POU5F1: variants seen among roughly 807,000 people sequenced by gnomAD.
The protein encoded by POU5F1 is POU domain, class 5, transcription factor 1.
Under a neutral mutation model 38.3 loss-of-function variants are expected in POU5F1, and 6 were observed. The ratio of observed to expected loss-of-function variants is 0.16; its 90% CI spans 0.09 to 0.31. The LOEUF (loss-of-function observed/expected upper bound fraction) is 0.31, where lower values mean the gene tolerates loss of function less well. Ranked by LOEUF, POU5F1 falls within the 10% of genes least tolerant of loss-of-function variation. POU5F1 has a pLI of 1.00. For missense variants in POU5F1, 286 were observed against 462.6 expected, an observed-to-expected ratio of 0.62 and a Z score of 3.50; for synonymous variants, 147 against 194.9, an observed-to-expected ratio of 0.75 and a Z score of 2.05.
intron 4 of POU5F1, 53 bp from the exon 5 acceptor site, chr6:31,164,920 G>C (rs1777099512): frequency 3.2e-6 from 5 of 1,582,646 alleles, no homozygotes; most frequent in Admixed American, 3.6e-5. Context: ...GCTGAGACGG[G>C]CCTGACTCTG....
intron 1 of POU5F1, among the ~76,000 whole-genome samples, chr6:31,167,953 T>TA (rs1554135981): frequency 6.6e-6 from 1 of 150,774 alleles, no homozygotes; most frequent in Non-Finnish European, 1.5e-5. Flanking sequence ...ACCCTTTTTC[T>TA]CCCCACCAAG....
Position 31,165,461 on chromosome 6 carries a change from C to A in POU5F1, c.657+110G>T. 1 of 1,589,462 alleles carries A rather than the reference C, an allele frequency of 6.3e-7. No homozygotes were observed. Among genetic ancestry groups the A allele is most frequent in the Non-Finnish European group, 8.6e-7 (1 of 1,167,208 alleles). ...GCAGAACTGAGGAATTTCACTCCATCCCACTGAGAACCACTGCACCAAAGA... is the reference window on the plus strand; with the variant it reads ...GCAGAACTGAGGAATTTCACTCCATACCACTGAGAACCACTGCACCAAAGA... On this transcript the variant is annotated intron_variant, in intron 3 of 4. Transcript: ENST00000259915. This position sits in a 1 kb window ranked among gnomAD's most constrained non-coding sequence, Gnocchi z 6.5.
intron 1 of POU5F1, 53 bp from the exon 2 acceptor site, chr6:31,166,100 A>G: frequency 5.0e-6 from 8 of 1,614,140 alleles, no homozygotes; most frequent in East Asian, 2.2e-5. Context: ...CCAGTTATCA[A>G]TCTCCCCTTT....
chr6:31,165,304 G>C lies in POU5F1; in HGVS notation c.658-18C>G, dbSNP rs748238262. 5.0e-6 allele frequency: 8 copies of C among 1,606,150 alleles called. No individual in the cohort carries two copies. Among genetic ancestry groups the C allele is most frequent in the Non-Finnish European group, 6.8e-6 (8 of 1,176,184 alleles). The stretch of plus-strand genomic sequence containing the variant: ...TTGCATATCTGTGCAGGTGGGAAGG[G>C]GGTGACAAGGGCAAGCTTTGGACTT... On this transcript the variant is annotated intron_variant, in intron 3 of 4. Transcript: ENST00000259915. The surrounding 1 kb of genome is among the most constrained non-coding windows in gnomAD (Gnocchi z 6.5).
intron 1 of POU5F1, 178 bp from the exon 2 acceptor site, chr6:31,166,225 A>C: frequency 6.4e-7 from 1 of 1,552,242 alleles, no homozygotes; most frequent in Non-Finnish European, 8.7e-7. Flanking sequence ...AATGTCATTC[A>C]CCCATTCCCT....
At position 31,164,568 on chromosome 6, in the gene POU5F1, C is replaced by A; in HGVS notation, c.*33G>T. The A allele has an allele frequency of 6.3e-7, 1 of 1,584,650 alleles. No homozygotes were observed. Among genetic ancestry groups the A allele is most frequent in the Non-Finnish European group, 8.6e-7 (1 of 1,165,206 alleles). On this transcript the variant is annotated 3_prime_UTR_variant, in exon 5 of 5. Coordinates refer to ENST00000259915, the MANE Select transcript of POU5F1 (RefSeq NM_002701.6). ...TTTTCTTTCCCTAGCTCCTCCCCTC[C>A]CCCTGTCCCCCATTCCTAGAAGGGC...
chr6:31,170,321 T>A lies in POU5F1; in HGVS notation c.300A>T (p.Gly100=), dbSNP rs755508064. Residue 100 remains glycine (G), a synonymous_variant, in exon 1 of 5, where the codon GGA becomes GGT. Transcript: ENST00000259915. ...LETSQPEGEA[G]VGVESNSDGA... ...CATCGGAGTTGCTCTCCACCCCGAC[T>A]CCTGCTTCGCCCTCAGGCTGAGAGG... 2.5e-6 allele frequency: 4 copies of A among 1,612,752 alleles called. No homozygotes were observed. In the South Asian group the frequency reaches 4.4e-5, roughly 18 times the overall value.
Position 31,170,502 on chromosome 6 carries a change from C to G in POU5F1, c.119G>C (p.Gly40Ala). 6.3e-7 allele frequency: 1 copy of G among 1,595,842 alleles called. No individual in the cohort carries two copies. ...CCCGATTCCTGGCCCTCCAGGAGGG[C>G]CTTGGAAGCTTAGCCAGGTCCGAGG... ...VDPRTWLSFQ[G>A]PPGGPGIGPG... Residue 40 changes from glycine (G) to alanine (A), a missense_variant, in exon 1 of 5, where the codon GGC becomes GCC. Physicochemically the swap from Gly to Ala is moderately conservative, Grantham distance 60. Coordinates refer to ENST00000259915, the MANE Select transcript of POU5F1 (RefSeq NM_002701.6).
At chr6:31,169,932 G>GCTGGGCCAGAGCAAAGGCCAGC (rs1362808141) in intron 1 of POU5F1, 28 of 543,676 alleles carry the variant, frequency 5.2e-5, no homozygotes, top group Non-Finnish European at 9.1e-5. Context: ...CCTGACAAGG[G>GCTGGGCCAGAGCAAAGGCCAGC]CTGGGCCAGA....
At position 31,165,877 on chromosome 6, in the gene POU5F1, G is replaced by A. The variant is rs1309748062; in HGVS notation, c.526+50C>T. 1 of 1,611,460 alleles carries A rather than the reference G, an allele frequency of 6.2e-7. No individual in the cohort carries two copies. The highest frequency in any genetic ancestry group is 8.5e-7 in the Non-Finnish European group (1 of 1,178,324). On this transcript the variant is annotated intron_variant, in intron 2 of 4. Coordinates refer to ENST00000259915, the MANE Select transcript of POU5F1 (RefSeq NM_002701.6). The surrounding 1 kb of genome is among the most constrained non-coding windows in gnomAD (Gnocchi z 6.5). ...CCTGCCCCTCCCCACTAGGTTCAGG[G>A]ATACTCCTTAGAGGGGAGATGCGGT... is the stretch of plus-strand genomic sequence containing the variant.
intron 1 of POU5F1, chr6:31,166,910 T>C: frequency 7.7e-7 from 1 of 1,306,722 alleles, no homozygotes; most frequent in East Asian, 3.6e-5. Flanking sequence ...GTAACAGGTG[T>C]CATAAGAATG....
chr6:31,166,521 C>T (rs1423175744), intron 1 of POU5F1: 5 of 1,020,468 alleles, frequency 4.9e-6, no homozygotes, highest in Non-Finnish European at 6.6e-6. Flanking sequence ...TAGCTGGGCA[C>T]GGTGGCACGC....
chr6:31,167,134 C>T, intron 1 of POU5F1: 1 of 422,082 alleles, frequency 2.4e-6, no homozygotes, highest in South Asian at 2.2e-5. Flanking sequence ...TCAAGTTGCC[C>T]ACTTGGATCT....
rs1269728421 is a variant in POU5F1 at position 31,166,664 on chromosome 6, A to G, written c.406-617T>C. On this transcript the variant is annotated intron_variant, in intron 1 of 4. Coordinates refer to ENST00000259915, the MANE Select transcript of POU5F1 (RefSeq NM_002701.6). ...ACAGAGCAAGACTCTGTCTCAAAGA[A>G]AAAAAAAAAAGAAGATAGTTCATTT... is the stretch of plus-strand genomic sequence containing the variant. 14 of 622,708 alleles carry G rather than the reference A, an allele frequency of 2.2e-5. No homozygotes were observed. The African/African-American group carries it at 1.1e-3, about 49-fold the overall frequency. The allele number at this position is 622,708 out of a possible 1,614,324, so 38.6% of individuals were successfully genotyped here. A position where few individuals can be genotyped will look rare whatever the true frequency, so the allele number is the denominator to read the frequency against.
intron 4 of POU5F1, 31 bp from the exon 5 acceptor site, chr6:31,164,898 A>G (rs1318985475): frequency 1.3e-6 from 2 of 1,558,440 alleles, no homozygotes; most frequent in Middle Eastern, 1.7e-4. Context: ...GGAGAATGAC[A>G]TTAGACAATG....
chr6:31,168,298 C>A lies in POU5F1; in HGVS notation c.405+1918G>T, dbSNP rs572183903. Among the ~76,000 whole-genome samples the A allele has an allele frequency of 3.8e-4, 56 of 149,174 alleles. No individual in the cohort carries two copies. The Middle Eastern group carries it at 0.011, about 28-fold the overall frequency. ...TTGCCTAGGCTGGAGTGCACTGGCG[C>A]GATCTCGGCTCACCGCAACCTCCAT... On this transcript the variant is annotated intron_variant, in intron 1 of 4. Transcript: ENST00000259915.
chr6:31,170,073 CA>C, intron 1 of POU5F1, 142 bp downstream of exon 1: 1 of 1,370,996 alleles, frequency 7.3e-7, no homozygotes, highest in Non-Finnish European at 1.0e-6. Context: ...AGTTGATACA[CA>C]CCCCTCCCTG....
chr6:31,170,181 C>A (rs762112546), intron 1 of POU5F1, 35 bp downstream of exon 1: 24 of 1,612,662 alleles, frequency 1.5e-5, no homozygotes, highest in Non-Finnish European at 2.0e-5. Context: ...TCATGACCAC[C>A]TCCCCACACC....
Position 31,170,675 on chromosome 6 carries a change from G to C in POU5F1, c.-55C>G. On this transcript the variant is annotated 5_prime_UTR_variant, in exon 1 of 5. Coordinates refer to ENST00000259915, the MANE Select transcript of POU5F1 (RefSeq NM_002701.6). ...CTGGTGAAATGAGGGCTTGCGAAGG[G>C]ACTACTCAACCCCTCTCTCCCTCCC... 6.7e-7 allele frequency: 1 copy of C among 1,501,210 alleles called. No individual in the cohort carries two copies. The highest frequency in any genetic ancestry group is 8.9e-7 in the Non-Finnish European group (1 of 1,123,152). The allele number at this position is 1,501,210 out of a possible 1,614,324, so 93.0% of individuals were successfully genotyped here. A position where few individuals can be genotyped will look rare whatever the true frequency, so the allele number is the denominator to read the frequency against.
Sources: allele counts gnomAD v4.1 joint callset (sites outside exome capture counted in the v4.1 genomes callset), GRCh38; gene constraint gnomAD v4.1.1; non-coding constraint Gnocchi (gnomAD v3.1); transcripts MANE v1.5; gene names NCBI Gene and HGNC (gene_info 2026-07-23, HGNC 2026-07-21).